The following CDYL2 variants were observed in gnomAD, a reference collection of about 807,000 sequenced individuals.
The protein encoded by CDYL2 is chromodomain Y-like protein 2.
A neutral mutation model predicts 49.4 loss-of-function variants in CDYL2; 23 were observed. That is an observed-to-expected ratio of 0.47 (90% CI 0.34 to 0.66). CDYL2 has a LOEUF of 0.66. Among genes scored for constraint, CDYL2 ranks in the 30% least tolerant of loss-of-function variants. The probability of loss-of-function intolerance (pLI) is 0.01; values close to 1 mark genes in which losing one functional copy is unlikely to be tolerated. For missense variants in CDYL2, 678 were observed against 656.4 expected (o/e 1.03, Z -0.36); for synonymous variants, 360 against 268.8 (o/e 1.34, Z -3.32).
At chr16:80,791,757 A>G (rs539510824) in intron 1 of CDYL2, among the ~76,000 whole-genome samples, 25 of 152,360 alleles carry the variant, frequency 1.6e-4, no homozygotes, top group African/African-American at 5.5e-4. Context: ...CCAGAGAAAT[A>G]GGAGGAGGTG....
chr16:80,607,593 T>A (rs1487402911), intron 6 of CDYL2, among the ~76,000 whole-genome samples: 2 of 152,222 alleles, frequency 1.3e-5, no homozygotes, highest in African/African-American at 4.8e-5. Flanking sequence ...AACCACTGCC[T>A]CTGCAGAGGT....
At chr16:80,792,837 C>G (rs1220684065) in intron 1 of CDYL2, among the ~76,000 whole-genome samples, 1 of 152,184 alleles carries the variant, frequency 6.6e-6, no homozygotes, top group Non-Finnish European at 1.5e-5. Flanking sequence ...CCACAGGTAA[C>G]TACTCCGCCC....
chr16:80,743,274 C>T (rs58467760), intron 1 of CDYL2, among the ~76,000 whole-genome samples: 67 of 152,268 alleles, frequency 4.4e-4, no homozygotes, highest in African/African-American at 1.5e-3. Flanking sequence ...AAATGGTAAG[C>T]GCAGACATTG....
intron 1 of CDYL2, among the ~76,000 whole-genome samples, chr16:80,796,477 G>A (rs1161391032): frequency 6.6e-6 from 1 of 152,138 alleles, no homozygotes; most frequent in Non-Finnish European, 1.5e-5. Flanking sequence ...AAATGCGGCT[G>A]CAACAAATTC....
chr16:80,717,603 C>G lies in CDYL2; in HGVS notation c.25-32474G>C, dbSNP rs140345413. On this transcript the variant is annotated intron_variant, in intron 1 of 6. Transcript: ENST00000570137. Reference sequence around the variant, plus strand: ...CCCCTGAGAGAAACTGGAGACTGAACCAGACACCTTCTCCAGTCTCCTCCA... The same window carrying G: ...CCCCTGAGAGAAACTGGAGACTGAAGCAGACACCTTCTCCAGTCTCCTCCA... 5.3e-3 allele frequency among the ~76,000 whole-genome samples: 808 copies of G among 152,262 alleles called. 8 individuals are homozygous for G. The highest frequency in any genetic ancestry group is 0.018 in the African/African-American group (732 of 41,540).
At chr16:80,797,434 A>T (rs1907798340) in intron 1 of CDYL2, among the ~76,000 whole-genome samples, 2 of 152,212 alleles carry the variant, frequency 1.3e-5, no homozygotes, top group Admixed American at 1.3e-4. Flanking sequence ...GCAGCTGAAA[A>T]TTACACTTTC....
intron 1 of CDYL2, among the ~76,000 whole-genome samples, chr16:80,706,865 T>C (rs1904422875): frequency 6.6e-6 from 1 of 152,188 alleles, no homozygotes; most frequent in East Asian, 1.9e-4. Context: ...CAGAGGTAGA[T>C]ATCAGAAGAC....
intron 1 of CDYL2, among the ~76,000 whole-genome samples, chr16:80,696,373 G>C (rs1910613684): frequency 6.6e-6 from 1 of 151,622 alleles, no homozygotes; most frequent in African/African-American, 2.4e-5. Flanking sequence ...TAGACAAAAA[G>C]AAATAATAAA....
At chr16:80,691,528 G>A (rs960687091) in intron 1 of CDYL2, among the ~76,000 whole-genome samples, 3 of 152,226 alleles carry the variant, frequency 2.0e-5, no homozygotes, top group Non-Finnish European at 4.4e-5. Flanking sequence ...AGTGGTGAGA[G>A]AGACCAACAG....
At chr16:80,755,780 A>C (rs1480615791) in intron 1 of CDYL2, among the ~76,000 whole-genome samples, 4 of 152,212 alleles carry the variant, frequency 2.6e-5, no homozygotes, top group African/African-American at 9.6e-5. Context: ...TAGTGTATGA[A>C]TATTTGTTTC....
intron 1 of CDYL2, among the ~76,000 whole-genome samples, chr16:80,700,652 G>A (rs547896975): frequency 3.3e-5 from 5 of 152,316 alleles, no homozygotes; most frequent in Admixed American, 2.0e-4. Flanking sequence ...ACCCTATGTT[G>A]GCAAGGATGT....
At chr16:80,636,719 T>G (rs1301644673) in intron 2 of CDYL2, among the ~76,000 whole-genome samples, 1 of 152,160 alleles carries the variant, frequency 6.6e-6, no homozygotes, top group Non-Finnish European at 1.5e-5. Context: ...ACCCAAAGGA[T>G]TATAAATCAT....
chr16:80,722,703 C>T (rs1452586457), intron 1 of CDYL2, among the ~76,000 whole-genome samples: 3 of 152,180 alleles, frequency 2.0e-5, no homozygotes. Context: ...ACCACACTGA[C>T]TCTCCAAGAT....
chr16:80,711,737 C>G (rs1597092374), intron 1 of CDYL2, among the ~76,000 whole-genome samples: 1 of 151,576 alleles, frequency 6.6e-6, no homozygotes, highest in Non-Finnish European at 1.5e-5. Flanking sequence ...CCCTAAGAGG[C>G]GCTTAATAAA....
intron 1 of CDYL2, among the ~76,000 whole-genome samples, chr16:80,801,456 A>G (rs1907924395): frequency 1.3e-5 from 2 of 152,262 alleles, no homozygotes; most frequent in Admixed American, 6.5e-5. Flanking sequence ...TGAAATGCCA[A>G]AGAAAAGATG....
Position 80,600,977 on chromosome 16 carries a change from AT to A in CDYL2, c.*3410del, listed in dbSNP as rs1489700581. On this transcript the variant is annotated 3_prime_UTR_variant, in exon 7 of 7. Transcript: ENST00000570137. The stretch of plus-strand genomic sequence containing the variant: ...AACATTTTCATGCTTCAGAGAGAAC[AT>A]TTCCTAGTTTAATCTATACCAAACA... 1 of 152,232 alleles carries A rather than the reference AT, an allele frequency of 6.6e-6. No homozygotes were observed. Among genetic ancestry groups the A allele is most frequent in the African/African-American group, 2.4e-5 (1 of 41,460 alleles). 9.4% of individuals were successfully genotyped at this position (152,232 alleles called of 1,614,324 possible).
intron 1 of CDYL2, among the ~76,000 whole-genome samples, chr16:80,695,381 A>C (rs71400110): frequency 6.6e-6 from 1 of 152,250 alleles, no homozygotes; most frequent in Non-Finnish European, 1.5e-5. Flanking sequence ...AGCAAATGAC[A>C]AGAGTAAGTC....
intron 1 of CDYL2, among the ~76,000 whole-genome samples, chr16:80,766,543 C>G (rs1327932637): frequency 6.6e-6 from 1 of 152,120 alleles, no homozygotes; most frequent in East Asian, 1.9e-4. Flanking sequence ...TAATAAGTAT[C>G]AGAAGTTTTT....
intron 1 of CDYL2, among the ~76,000 whole-genome samples, chr16:80,798,100 G>T (rs1907820690): frequency 6.6e-6 from 1 of 152,086 alleles, no homozygotes; most frequent in Admixed American, 6.5e-5. Context: ...GAGTGCAGTG[G>T]TGTGATCTCA....
Sources: allele counts gnomAD v4.1 joint callset (sites outside exome capture counted in the v4.1 genomes callset), GRCh38; gene constraint gnomAD v4.1.1; transcripts MANE v1.5; gene names NCBI Gene and HGNC (gene_info 2026-07-23, HGNC 2026-07-21).